Variants in HDX observed in about 807,000 individuals in gnomAD.
HDX encodes highly divergent homeobox.
In HDX, 19 loss-of-function variants were observed where a neutral mutation model predicts 45.2. The observed-to-expected ratio is 0.42, with a 90% CI of 0.29 to 0.62. The LOEUF is 0.62. HDX is among the 20% of genes least tolerant of loss of function. The pLI, the probability that HDX is intolerant of heterozygous loss-of-function variation, is 0.20. For synonymous variants in HDX, 188 were observed against 172.8 expected (o/e 1.09, Z -0.69); for missense variants, 532 against 493.9 (o/e 1.08, Z -0.73).
chrX:84,418,724 C>A (rs2039176518), intron 5 of HDX, among the ~76,000 whole-genome samples: 1 of 110,415 alleles, frequency 9.1e-6, no homozygotes, highest in African/African-American at 3.3e-5. Context: ...TGTTTTAGGG[C>A]AAAACTAAGC....
chrX:84,403,855 A>G (rs2077586464), intron 5 of HDX: 1 of 111,962 alleles, frequency 8.9e-6, no homozygotes, highest in Non-Finnish European at 1.9e-5. Context: ...ATCCACTGAA[A>G]AGAAGATAAA....
chrX:84,345,820 T>C (rs189539756), intron 6 of HDX, among the ~76,000 whole-genome samples: 1 of 111,659 alleles, frequency 9.0e-6, no homozygotes, highest in East Asian at 2.8e-4. Flanking sequence ...TCTAAAAACT[T>C]TTAGCTGTTC....
At chrX:84,396,729 C>T (rs779722540) in intron 5 of HDX, among the ~76,000 whole-genome samples, 1 of 111,563 alleles carries the variant, frequency 9.0e-6, no homozygotes, top group African/African-American at 3.3e-5. Context: ...CTGTAAGTGT[C>T]AGCTGTGGCA....
chrX:84,404,315 T>C (rs1018880528), intron 5 of HDX, among the ~76,000 whole-genome samples: 1 of 110,925 alleles, frequency 9.0e-6, no homozygotes, highest in Non-Finnish European at 1.9e-5. Context: ...ATTGCATGCA[T>C]TCCCCACTGT....
chrX:84,336,675 A>G (rs1375607205), intron 8 of HDX, 126 bp downstream of exon 8: 9 of 464,216 alleles, frequency 1.9e-5, no homozygotes, highest in Non-Finnish European at 3.2e-5. Flanking sequence ...TTCATTGGAA[A>G]GAGGTCTGTT....
chrX:84,443,226 T>G (rs1044168605), intron 4 of HDX, among the ~76,000 whole-genome samples: 15 of 111,846 alleles, frequency 1.3e-4, no homozygotes, highest in African/African-American at 3.6e-4. Flanking sequence ...ATTTGTAGGC[T>G]TTTTTGAATA....
At chrX:84,328,225 G>A (rs919186611) in intron 9 of HDX, among the ~76,000 whole-genome samples, 11 of 109,945 alleles carry the variant, frequency 1.0e-4, no homozygotes, top group African/African-American at 3.3e-4. Flanking sequence ...AGCCTGACAT[G>A]GTATGGTGTG....
chrX:84,464,366 A>G (rs2084579008), intron 4 of HDX, among the ~76,000 whole-genome samples: 1 of 111,777 alleles, frequency 8.9e-6, no homozygotes. Flanking sequence ...CTGCATAGCC[A>G]AGACAATCCT....
intron 4 of HDX, among the ~76,000 whole-genome samples, chrX:84,445,832 A>G (rs148213429): frequency 0.046 from 5,097 of 111,699 alleles, 289 homozygotes; most frequent in African/African-American, 0.16. Context: ...TTTTTCTTCT[A>G]TTATGTGATA....
chrX:84,436,390 A>G, intron 5 of HDX, among the ~76,000 whole-genome samples: 1 of 109,944 alleles, frequency 9.1e-6, no homozygotes, highest in Admixed American at 9.6e-5. Context: ...CTTAAAGTAT[A>G]ATAAAAAAAA....
At position 84,362,055 on chromosome X, in the gene HDX, T is replaced by C. The variant is rs772559536; in HGVS notation, c.1306-443A>G. Among the ~76,000 whole-genome samples the C allele has an allele frequency of 2.6e-3, 293 of 111,617 alleles. 2 individuals carry two copies. The highest frequency in any genetic ancestry group is 9.2e-3 in the African/African-American group (284 of 30,810). On this transcript the variant is annotated intron_variant, in intron 5 of 10. Coordinates refer to ENST00000373177, the MANE Select transcript of HDX (RefSeq NM_001177479.2). ...GCAAAGACAGGCTTATATTAGTGTG[T>C]TGCCTTTTGATAAGTTAATCTAGAT... is the stretch of plus-strand genomic sequence containing the variant.
At chrX:84,326,946 G>C (rs777429446) in intron 9 of HDX, among the ~76,000 whole-genome samples, 8 of 109,097 alleles carry the variant, frequency 7.3e-5, no homozygotes, top group Non-Finnish European at 1.5e-4. Flanking sequence ...GGAATAGATA[G>C]AGTCCAATTA....
chrX:84,467,815 C>T (rs2040381893), intron 4 of HDX, among the ~76,000 whole-genome samples: 2 of 110,881 alleles, frequency 1.8e-5, no homozygotes, highest in Admixed American at 1.9e-4. Flanking sequence ...TTGAAGCATA[C>T]CTGAACAATT....
chrX:84,439,850 T>A (rs1159767946), intron 5 of HDX: 1 of 111,546 alleles, frequency 9.0e-6, no homozygotes, highest in East Asian at 2.8e-4. Flanking sequence ...CCTGTTTTGT[T>A]CTTTTTGCTT....
At position 84,322,021 on chromosome X, in the gene HDX, A is replaced by T. The variant is rs753958699; in HGVS notation, c.1948-7T>A. The stretch of plus-strand genomic sequence containing the variant: ...GTAAATCTGACAGCAGTGCCTGAAT[A>T]AAAAAAATAATATTTTTGGATTAGT... On this transcript the variant is annotated splice_polypyrimidine_tract_variant and splice_region_variant and intron_variant, in intron 10 of 10. Coordinates refer to ENST00000373177, the MANE Select transcript of HDX (RefSeq NM_001177479.2). 1 of 1,108,737 alleles carries T rather than the reference A, an allele frequency of 9.0e-7. No homozygotes were observed. The highest frequency in any genetic ancestry group is 2.2e-5 in the South Asian group (1 of 46,153). 91.4% of individuals were successfully genotyped at this position (1,108,737 alleles called of 1,213,427 possible). A position where few individuals can be genotyped will look rare whatever the true frequency, so the allele number is the denominator to read the frequency against.
intron 2 of HDX, among the ~76,000 whole-genome samples, chrX:84,477,619 C>A (rs1481517208): frequency 9.0e-6 from 1 of 111,483 alleles, no homozygotes; most frequent in Non-Finnish European, 1.9e-5. Context: ...CTAGATGACC[C>A]CATTTGAGCA....
intron 4 of HDX, among the ~76,000 whole-genome samples, chrX:84,442,409 A>G (rs2039779403): frequency 1.8e-5 from 2 of 110,960 alleles, no homozygotes; most frequent in African/African-American, 6.5e-5. Flanking sequence ...AAGTATGCCA[A>G]AATGCAAGGA....
At chrX:84,445,309 T>C (rs2039849013) in intron 4 of HDX, among the ~76,000 whole-genome samples, 1 of 111,700 alleles carries the variant, frequency 9.0e-6, no homozygotes, top group South Asian at 3.7e-4. Flanking sequence ...CTCAAAAGAA[T>C]TCAGCAGTAA....
chrX:84,348,832 A>G (rs1200272470), intron 6 of HDX, among the ~76,000 whole-genome samples: 2 of 111,757 alleles, frequency 1.8e-5, no homozygotes, highest in Non-Finnish European at 3.8e-5. Context: ...AGGTCATGAT[A>G]AAATCCCAAT....
Sources: allele counts gnomAD v4.1 joint callset (sites outside exome capture counted in the v4.1 genomes callset), GRCh38; gene constraint gnomAD v4.1.1; transcripts MANE v1.5; gene names NCBI Gene and HGNC (gene_info 2026-07-23, HGNC 2026-07-21).